KIFAP3: variants seen among roughly 807,000 people sequenced by gnomAD.
KIFAP3 encodes the protein kinesin associated protein 3, also known as kinesin-associated protein 3.
In KIFAP3, 68 loss-of-function variants were observed where a neutral mutation model predicts 106.5. The observed-to-expected ratio is 0.64, with a 90% CI of 0.53 to 0.78. The LOEUF (loss-of-function observed/expected upper bound fraction) is 0.78, where lower values mean the gene tolerates loss of function less well. Ranked by LOEUF, KIFAP3 falls within the 30% of genes least tolerant of loss-of-function variation. The pLI, the probability that KIFAP3 is intolerant of heterozygous loss-of-function variation, is 0.00. For synonymous variants in KIFAP3, 320 were observed against 311.5 expected, an observed-to-expected ratio of 1.03 and a Z score of -0.29; for missense variants, 780 against 941.8, an observed-to-expected ratio of 0.83 and a Z score of 2.25.
chr1:169,989,847 G>T (rs934924781), intron 11 of KIFAP3, among the ~76,000 whole-genome samples: 4 of 151,834 alleles, frequency 2.6e-5, no homozygotes. Context: ...TATTTAATTT[G>T]GAATGAATGA....
chr1:170,017,249 C>A, intron 9 of KIFAP3, among the ~76,000 whole-genome samples: 1 of 83,412 alleles, frequency 1.2e-5, no homozygotes, highest in African/African-American at 5.4e-5. Context: ...GAGAGAGAGA[C>A]TGTCTCAAAA....
In KIFAP3 at chr1:169,984,596, T is replaced by A; in HGVS notation, c.1379A>T (p.Gln460Leu). ...AAGGCACTGACCTTCACAGATAAGCTGTACATTTCTTTTGTTAGCAGCAAG... is the reference window on the plus strand; with the variant it reads ...AAGGCACTGACCTTCACAGATAAGCAGTACATTTCTTTTGTTAGCAGCAAG... ...INLAANKRNVQLICEGNGLKM... is the reference protein window; with the variant it reads ...INLAANKRNVLLICEGNGLKM... Residue 460 changes from glutamine (Q) to leucine (L), a missense_variant, in exon 12 of 20, where the codon CAG becomes CTG. Gln to Leu is a moderately radical substitution (Grantham distance 113). Coordinates refer to ENST00000361580, the MANE Select transcript of KIFAP3 (RefSeq NM_014970.4). The A allele has an allele frequency of 6.3e-7, 1 of 1,593,752 alleles. No individual in the cohort carries two copies. Among genetic ancestry groups the A allele is most frequent in the South Asian group, 1.1e-5 (1 of 89,760 alleles).
intron 2 of KIFAP3, among the ~76,000 whole-genome samples, chr1:170,053,425 C>T (rs762589784): frequency 4.6e-5 from 7 of 151,882 alleles, no homozygotes; most frequent in South Asian, 2.1e-4. Flanking sequence ...TTTATAAATT[C>T]GATGCTATTC....
chr1:169,931,730 G>T (rs1344417815), intron 19 of KIFAP3, among the ~76,000 whole-genome samples: 1 of 152,056 alleles, frequency 6.6e-6, no homozygotes, highest in Non-Finnish European at 1.5e-5. Flanking sequence ...TAATACCTTG[G>T]TTTTTTAAGG....
intron 1 of KIFAP3, among the ~76,000 whole-genome samples, chr1:170,062,462 G>A (rs1671229946): frequency 6.6e-6 from 1 of 151,984 alleles, no homozygotes; most frequent in Non-Finnish European, 1.5e-5. Flanking sequence ...CTACTCACAT[G>A]TGAACCCATT....
chr1:169,943,345 C>CAACT (rs1297818778), intron 19 of KIFAP3, among the ~76,000 whole-genome samples: 1 of 152,050 alleles, frequency 6.6e-6, no homozygotes, highest in Non-Finnish European at 1.5e-5. Context: ...AGAAATCTAA[C>CAACT]AACTGTTCAT....
intron 17 of KIFAP3, among the ~76,000 whole-genome samples, chr1:169,965,526 A>T (rs1389730099): frequency 6.6e-6 from 1 of 152,012 alleles, no homozygotes; most frequent in African/African-American, 2.4e-5. Context: ...ATATCCTTAA[A>T]CTACATTTCC....
intron 17 of KIFAP3, among the ~76,000 whole-genome samples, chr1:169,961,930 G>C (rs1665359520): frequency 6.6e-6 from 1 of 152,112 alleles, no homozygotes; most frequent in Non-Finnish European, 1.5e-5. Flanking sequence ...GGAGTTAAAA[G>C]TTATACATGG....
At position 170,074,507 on chromosome 1, in the gene KIFAP3, G is replaced by A. The variant is rs779868392; in HGVS notation, c.-40C>T. 1 of 1,613,520 alleles carries A rather than the reference G, an allele frequency of 6.2e-7. No individual in the cohort carries two copies. Among genetic ancestry groups the A allele is most frequent in the Admixed American group, 1.7e-5 (1 of 59,974 alleles). ...CGGCGTGGAGAGGATGGGGTATCTT[G>A]AGAGGCAGGCGCGGTTATTTCCGGG... On this transcript the variant is annotated 5_prime_UTR_variant, in exon 1 of 20. Transcript: ENST00000361580.
intron 1 of KIFAP3, among the ~76,000 whole-genome samples, chr1:170,066,104 CCT>C (rs1491336508): frequency 1.3e-5 from 2 of 150,778 alleles, no homozygotes; most frequent in Non-Finnish European, 2.9e-5. Context: ...GTTTTAGTTA[CCT>C]TTTTTTTTTC....
chr1:170,043,131 T>C (rs1670068106), intron 3 of KIFAP3, among the ~76,000 whole-genome samples: 1 of 152,188 alleles, frequency 6.6e-6, no homozygotes, highest in South Asian at 2.1e-4. Flanking sequence ...AATCAAAGGT[T>C]CCTTATCCTC....
intron 18 of KIFAP3, among the ~76,000 whole-genome samples, chr1:169,956,288 T>C (rs908539130): frequency 2.0e-5 from 3 of 152,172 alleles, no homozygotes; most frequent in African/African-American, 7.2e-5. Flanking sequence ...ATGTGAATTA[T>C]GTAAAAAAGT....
intron 17 of KIFAP3, among the ~76,000 whole-genome samples, chr1:169,968,778 T>C (rs1173783627): frequency 6.6e-6 from 1 of 151,326 alleles, no homozygotes; most frequent in African/African-American, 2.4e-5. Context: ...TAAGAAATAA[T>C]TTTTTTTCTT....
At chr1:169,925,980 T>C (rs1024939103) in intron 19 of KIFAP3, among the ~76,000 whole-genome samples, 1 of 152,190 alleles carries the variant, frequency 6.6e-6, no homozygotes, top group Non-Finnish European at 1.5e-5. Flanking sequence ...TATTAATAAA[T>C]GGCTACAAAA....
intron 16 of KIFAP3, 88 bp downstream of exon 16, chr1:169,977,997 A>G: frequency 1.3e-6 from 1 of 745,730 alleles, no homozygotes; most frequent in Middle Eastern, 2.6e-4. Flanking sequence ...ACGTTATTTC[A>G]ACATTTGCAA....
chr1:169,974,960 T>C (rs902246611), intron 16 of KIFAP3, among the ~76,000 whole-genome samples: 18 of 152,228 alleles, frequency 1.2e-4, no homozygotes, highest in Admixed American at 5.9e-4. Flanking sequence ...TAAAATGGTG[T>C]AGTATCTGCA....
chr1:169,954,128 T>C lies in KIFAP3; in HGVS notation c.2174-18A>G. 1 of 1,446,228 alleles carries C rather than the reference T, an allele frequency of 6.9e-7. No homozygotes were observed. The highest frequency in any genetic ancestry group is 1.1e-5 in the South Asian group (1 of 87,558). 89.6% of individuals were successfully genotyped at this position (1,446,228 alleles called of 1,614,324 possible). A position where few individuals can be genotyped will look rare whatever the true frequency, so the allele number is the denominator to read the frequency against. On this transcript the variant is annotated intron_variant, in intron 18 of 19. Transcript: ENST00000361580. ...TAATCCATCTAGAAAGAAAAAAAAATGGTAACCAGTAAAACATATGTGTAG... is the reference window on the plus strand; with the variant it reads ...TAATCCATCTAGAAAGAAAAAAAAACGGTAACCAGTAAAACATATGTGTAG...
intron 18 of KIFAP3, among the ~76,000 whole-genome samples, chr1:169,955,799 AG>A (rs1487486675): frequency 1.3e-5 from 2 of 152,156 alleles, no homozygotes; most frequent in Non-Finnish European, 1.5e-5. Flanking sequence ...AGAAAGTGTC[AG>A]TAATATTTAA....
At chr1:170,042,708 A>G (rs1670043020) in intron 3 of KIFAP3, among the ~76,000 whole-genome samples, 1 of 152,044 alleles carries the variant, frequency 6.6e-6, no homozygotes, top group African/African-American at 2.4e-5. Context: ...CCTTTATACT[A>G]TATACTCTGG....
Sources: gnomAD v4.1 joint callset for allele counts (sites outside exome capture counted in the v4.1 genomes callset) on GRCh38, gnomAD v4.1.1 for gene constraint, MANE v1.5 for transcripts, NCBI Gene and HGNC (gene_info 2026-07-23, HGNC 2026-07-21) for gene names.